MBTD1: variants seen among roughly 807,000 people sequenced by gnomAD.
MBTD1 encodes MBT domain-containing protein 1.
Under a neutral mutation model 87.8 loss-of-function variants are expected in MBTD1, and 24 were observed. That is an observed-to-expected ratio of 0.27 (90% CI 0.20 to 0.38). The LOEUF (loss-of-function observed/expected upper bound fraction) is 0.38, where lower values mean the gene tolerates loss of function less well. Ranked by LOEUF, MBTD1 falls within the 10% of genes least tolerant of loss-of-function variation. MBTD1 has a pLI of 1.00. For synonymous variants in MBTD1, 237 were observed against 248.6 expected, an observed-to-expected ratio of 0.95 and a Z score of 0.44; for missense variants, 436 against 760.2, an observed-to-expected ratio of 0.57 and a Z score of 5.02.
Position 51,197,053 on chromosome 17 carries a change from T to G in MBTD1, c.1225-1692A>C, listed in dbSNP as rs2052406377. 7.6e-3 allele frequency among the ~76,000 whole-genome samples: 3 copies of G among 396 alleles called. 1 individual carries two copies. The highest frequency in any genetic ancestry group is 0.018 in the Non-Finnish European group (3 of 166). The allele number at this position is 396 out of a possible 152,430, so 0.3% of individuals were successfully genotyped here. On this transcript the variant is annotated intron_variant, in intron 12 of 16. Transcript: ENST00000586178. ...ATTATATATACAAGATATATATATA[T>G]ATATATATATATATATATATATATA...
In MBTD1 at chr17:51,195,308, G is replaced by A. The variant is rs528307457; in HGVS notation, c.1278C>T (p.Asp426=). 8.7e-6 allele frequency: 14 copies of A among 1,611,940 alleles called. No homozygotes were observed. The highest frequency in any genetic ancestry group is 2.7e-5 in the African/African-American group (2 of 74,986). Residue 426 remains aspartate, a synonymous_variant, in exon 13 of 17, where the codon GAC becomes GAT. Coordinates refer to ENST00000586178, the MANE Select transcript of MBTD1 (RefSeq NM_017643.3). ...MIGIDGSEAA[D]GSDWFCYHAT... ...CATGGTAACAGAACCAGTCAGATCC[G>A]TCTGCTGCTTCTGAGCCATCGATCC...
At chr17:51,253,697 T>A (rs559351340) in intron 2 of MBTD1, among the ~76,000 whole-genome samples, 26 of 152,222 alleles carry the variant, frequency 1.7e-4, no homozygotes, top group Middle Eastern at 3.4e-3. Context: ...ATAGGTGTAC[T>A]TCTATAATAA....
chr17:51,260,913 T>G (rs1276841227), upstream of MBTD1: 1 of 1,586,502 alleles, frequency 6.3e-7, no homozygotes, highest in Non-Finnish European at 8.6e-7. Context: ...CTGCGGCGTC[T>G]GCGAGGCCCG....
At position 51,179,534 on chromosome 17, in the gene MBTD1, AT is replaced by A. The variant is rs2050232465; in HGVS notation, c.*1041del. 1 of 104,668 alleles carries A rather than the reference AT, an allele frequency of 9.6e-6. No individual in the cohort carries two copies. 6.5% of individuals were successfully genotyped at this position (104,668 alleles called of 1,614,324 possible). On this transcript the variant is annotated 3_prime_UTR_variant, in exon 17 of 17. Coordinates refer to ENST00000586178, the MANE Select transcript of MBTD1 (RefSeq NM_017643.3). ...TATATATATATATATATATATATAT[AT>A]ATGGAATTTTAAGAAAATTAAATTC...
rs1432686048 is a variant in MBTD1 at position 51,219,071 on chromosome 17, G to C, written c.289-27C>G. 7.1e-6 allele frequency: 9 copies of C among 1,259,974 alleles called. No homozygotes were observed. In the Middle Eastern group the frequency reaches 7.4e-4, roughly 103 times the overall value. 78.0% of individuals were successfully genotyped at this position (1,259,974 alleles called of 1,614,324 possible). A position where few individuals can be genotyped will look rare whatever the true frequency, so the allele number is the denominator to read the frequency against. On this transcript the variant is annotated intron_variant, in intron 4 of 16. Transcript: ENST00000586178. Reference sequence around the variant, plus strand: ...TAAAACAAGAAAAGTTAAGTAAATAGGATTCTTTTTCATCCCCTCACCACC... The same window carrying C: ...TAAAACAAGAAAAGTTAAGTAAATACGATTCTTTTTCATCCCCTCACCACC...
intron 2 of MBTD1, among the ~76,000 whole-genome samples, chr17:51,239,181 T>A (rs976144296): frequency 6.6e-6 from 1 of 151,978 alleles, no homozygotes; most frequent in Non-Finnish European, 1.5e-5. Context: ...AAAAAACAAT[T>A]TTTTTGGATC....
At chr17:51,187,988 A>G (rs2050624915) in intron 16 of MBTD1, among the ~76,000 whole-genome samples, 1 of 152,226 alleles carries the variant, frequency 6.6e-6, no homozygotes, top group South Asian at 2.1e-4. Flanking sequence ...AATCAAAACT[A>G]AAAGGTAAAT....
intron 2 of MBTD1, among the ~76,000 whole-genome samples, chr17:51,243,529 T>C (rs1311796709): frequency 1.3e-5 from 2 of 152,204 alleles, no homozygotes; most frequent in African/African-American, 2.4e-5. Flanking sequence ...TGGAGCACAG[T>C]TATCAGTTTT....
At chr17:51,192,744 T>G (rs760082445) in intron 15 of MBTD1, 38 bp downstream of exon 15, 148 of 1,608,568 alleles carry the variant, frequency 9.2e-5, no homozygotes, top group Non-Finnish European at 1.1e-4. Context: ...GAATTGCTGA[T>G]TTTTACAAAA....
Position 51,218,556 on chromosome 17 carries a change from AT to A in MBTD1, c.403+373del, listed in dbSNP as rs200388743. On this transcript the variant is annotated intron_variant, in intron 5 of 16. Coordinates refer to ENST00000586178, the MANE Select transcript of MBTD1 (RefSeq NM_017643.3). ...AAAAAAAAAAAAAAAAAAAAAAAAA[AT>A]CTATTGGAAATGGTCCTTTCCTTAA... Among the ~76,000 whole-genome samples, 817 of 148,494 alleles carry A rather than the reference AT, an allele frequency of 5.5e-3. 6 individuals carry two copies. Among genetic ancestry groups the A allele is most frequent in the Admixed American group, 0.011 (165 of 14,732 alleles).
chr17:51,234,871 A>G (rs1051760255), intron 2 of MBTD1, among the ~76,000 whole-genome samples: 1 of 151,088 alleles, frequency 6.6e-6, no homozygotes, highest in African/African-American at 2.4e-5. Context: ...TTTTTTTTGT[A>G]TTTTCAGTAG....
At chr17:51,188,628 A>G (rs1298938139) in intron 16 of MBTD1, among the ~76,000 whole-genome samples, 1 of 152,216 alleles carries the variant, frequency 6.6e-6, no homozygotes, top group Non-Finnish European at 1.5e-5. Context: ...GCTTAGTGAG[A>G]AAACTTTCTA....
At chr17:51,197,512 T>C (rs1052156185) in intron 12 of MBTD1, among the ~76,000 whole-genome samples, 2 of 151,610 alleles carry the variant, frequency 1.3e-5, no homozygotes, top group Admixed American at 6.6e-5. Flanking sequence ...ACTCTTAATT[T>C]TTCTTTTCTT....
rs915956212 is a variant in MBTD1 at position 51,258,505 on chromosome 17, T to TA, written c.-49+637dup. ...TCAAATCTCATAAAAGATAGTTACT[T>TA]AAAAAAAAAAAAGAAGGAGTAAAAG... On this transcript the variant is annotated intron_variant, in intron 2 of 16. Coordinates refer to ENST00000586178, the MANE Select transcript of MBTD1 (RefSeq NM_017643.3). 7.1e-4 allele frequency among the ~76,000 whole-genome samples: 75 copies of TA among 105,502 alleles called. 1 individual carries two copies. Among genetic ancestry groups the TA allele is most frequent in the Non-Finnish European group, 9.0e-4 (43 of 48,012 alleles). 69.2% of individuals were successfully genotyped at this position (105,502 alleles called of 152,430 possible).
intron 2 of MBTD1, among the ~76,000 whole-genome samples, chr17:51,239,680 AG>A (rs2054052642): frequency 1.3e-5 from 2 of 152,084 alleles, no homozygotes; most frequent in African/African-American, 4.8e-5. Context: ...CATTTGTGGC[AG>A]TAACACTCGC....
intron 16 of MBTD1, chr17:51,185,632 G>A (rs983241122): frequency 5.3e-5 from 8 of 152,136 alleles, no homozygotes; most frequent in African/African-American, 1.7e-4. Context: ...ACTATGAAAT[G>A]TTATGAACAA....
intron 2 of MBTD1, among the ~76,000 whole-genome samples, chr17:51,253,162 T>C (rs917782184): frequency 6.6e-6 from 1 of 152,206 alleles, no homozygotes; most frequent in African/African-American, 2.4e-5. Context: ...AGATTGATGA[T>C]ATCTGGTATC....
chr17:51,193,352 A>T lies in MBTD1; in HGVS notation c.1455+76T>A. The T allele has an allele frequency of 4.1e-6, 4 of 982,522 alleles. No individual in the cohort carries two copies. The South Asian group carries it at 6.0e-5, about 15-fold the overall frequency. 60.9% of individuals were successfully genotyped at this position (982,522 alleles called of 1,614,324 possible). On this transcript the variant is annotated intron_variant, in intron 14 of 16. Coordinates refer to ENST00000586178, the MANE Select transcript of MBTD1 (RefSeq NM_017643.3). ...TAAGAAATTCTAATACAAGGCAAAG[A>T]CATTTTTATGAACATAAATTGTATT...
At chr17:51,260,438 A>T, upstream of MBTD1, 1 of 841,178 alleles carries the variant, frequency 1.2e-6, no homozygotes, top group South Asian at 1.8e-5. Flanking sequence ...GGAGTTACGT[A>T]GAGGGAGGGA....
Sources: allele counts gnomAD v4.1 joint callset (sites outside exome capture counted in the v4.1 genomes callset), GRCh38; gene constraint gnomAD v4.1.1; transcripts MANE v1.5; gene names NCBI Gene and HGNC (gene_info 2026-07-23, HGNC 2026-07-21).